The following FREM2 variants were observed in gnomAD, a reference collection of about 807,000 sequenced individuals.
FREM2 encodes the protein FRAS1 related extracellular matrix 2.
In FREM2, 119 loss-of-function variants were observed where a neutral mutation model predicts 219.9. The observed-to-expected ratio is 0.54, with a 90% CI of 0.47 to 0.63. The LOEUF (loss-of-function observed/expected upper bound fraction) is 0.63, where lower values mean the gene tolerates loss of function less well. Ranked by LOEUF, FREM2 falls within the 30% of genes least tolerant of loss-of-function variation. FREM2 has a pLI of 0.00. For synonymous variants in FREM2, 1,562 were observed against 1,522.8 expected, an observed-to-expected ratio of 1.03 and a Z score of -0.60; for missense variants, 4,030 against 3,993.6, an observed-to-expected ratio of 1.01 and a Z score of -0.25.
At chr13:38,872,964 A>T in intron 17 of FREM2, 30 bp downstream of exon 17, 32 of 1,603,776 alleles carry the variant, frequency 2.0e-5, no homozygotes, top group Non-Finnish European at 2.7e-5. Context: ...AAAATTCTAT[A>T]GTTTTGTAAC....
At chr13:38,723,685 C>T (rs1871393182) in intron 2 of FREM2, among the ~76,000 whole-genome samples, 1 of 152,164 alleles carries the variant, frequency 6.6e-6, no homozygotes, top group Non-Finnish European at 1.5e-5. Context: ...TGCCCTGAAG[C>T]ATGCATTGTA....
intron 2 of FREM2, among the ~76,000 whole-genome samples, chr13:38,731,733 G>A (rs910622498): frequency 1.3e-5 from 2 of 152,126 alleles, no homozygotes; most frequent in Non-Finnish European, 2.9e-5. Flanking sequence ...AGACAGGCAG[G>A]CCTGTGCTCC....
chr13:38,763,281 G>T (rs548085733), intron 2 of FREM2, among the ~76,000 whole-genome samples: 1 of 152,210 alleles, frequency 6.6e-6, no homozygotes, highest in East Asian at 1.9e-4. Flanking sequence ...TTTTTTAAAA[G>T]TTCGAGCAAA....
In FREM2 at chr13:38,687,288, C is replaced by G. The variant is rs961769693; in HGVS notation, c.-57C>G. 3 of 1,554,450 alleles carry G rather than the reference C, an allele frequency of 1.9e-6. No individual in the cohort carries two copies. Among genetic ancestry groups the G allele is most frequent in the Non-Finnish European group, 2.6e-6 (3 of 1,148,902 alleles). ...CCGGCGGTGTCTCTTGTTGTCTGCC[C>G]GGGGACCGACTTCGCATGCTCTCAG... On this transcript the variant is annotated 5_prime_UTR_variant, in exon 1 of 24. Transcript: ENST00000280481.
In FREM2 at chr13:38,691,765, A is replaced by C. The variant is rs768800954; in HGVS notation, c.4421A>C (p.Gln1474Pro). Residue 1474 changes from glutamine to proline, a missense_variant, in exon 1 of 24, where the codon CAG (glutamine) becomes CCG (proline). Gln to Pro is a moderately conservative substitution (Grantham distance 76). Coordinates refer to ENST00000280481, the MANE Select transcript of FREM2 (RefSeq NM_207361.6). Reference sequence around the variant, plus strand: ...CGAGGTCACCTGGAATGCACGGATCAGCCTGGTGTGTCCATCACGTCTTTC... The same window carrying C: ...CGAGGTCACCTGGAATGCACGGATCCGCCTGGTGTGTCCATCACGTCTTTC... ...PMRGHLECTD[Q>P]PGVSITSFTQ... 1.9e-6 allele frequency: 3 copies of C among 1,614,200 alleles called. No homozygotes were observed. The highest frequency in any genetic ancestry group is 1.1e-5 in the South Asian group (1 of 91,084).
At chr13:38,734,700 T>C (rs752700952) in intron 2 of FREM2, among the ~76,000 whole-genome samples, 3 of 148,376 alleles carry the variant, frequency 2.0e-5, no homozygotes, top group Non-Finnish European at 3.0e-5. Flanking sequence ...TATATGTTCC[T>C]AAATGAAAAT....
intron 6 of FREM2, among the ~76,000 whole-genome samples, chr13:38,785,269 A>G (rs1006070256): frequency 6.6e-6 from 1 of 152,232 alleles, no homozygotes; most frequent in African/African-American, 2.4e-5. Context: ...TAAGTCCAAC[A>G]AGCCACTCTG....
chr13:38,691,277 A>T lies in FREM2; in HGVS notation c.3933A>T (p.Gly1311=). 6.2e-7 allele frequency: 1 copy of T among 1,613,954 alleles called. No individual in the cohort carries two copies. Among genetic ancestry groups the T allele is most frequent in the Non-Finnish European group, 8.5e-7 (1 of 1,179,824 alleles). Residue 1311 remains glycine (G), a synonymous_variant, in exon 1 of 24, where the codon GGA becomes GGT. Coordinates refer to ENST00000280481, the MANE Select transcript of FREM2 (RefSeq NM_207361.6). The stretch of plus-strand genomic sequence containing the variant: ...CGCCCAGAATGACTATCAATAATGG[A>T]CTAGAAATAGAAATTGGGGATACCA... ...DETPRMTINN[G]LEIEIGDTKI...
intron 2 of FREM2, among the ~76,000 whole-genome samples, chr13:38,708,697 C>T (rs992678452): frequency 6.6e-6 from 1 of 152,100 alleles, no homozygotes; most frequent in Admixed American, 6.6e-5. Flanking sequence ...TTCCTCCCTT[C>T]TTCTGCCATA....
intron 12 of FREM2, among the ~76,000 whole-genome samples, chr13:38,856,839 G>T (rs1303887743): frequency 6.6e-6 from 1 of 151,860 alleles, no homozygotes; most frequent in African/African-American, 2.4e-5. Flanking sequence ...CTTTATATTG[G>T]AAATAATTTT....
chr13:38,857,947 A>G lies in FREM2; in HGVS notation c.7129A>G (p.Ile2377Val). 5 of 1,613,824 alleles carry G rather than the reference A, an allele frequency of 3.1e-6. No individual in the cohort carries two copies. Among genetic ancestry groups the G allele is most frequent in the South Asian group, 1.1e-5 (1 of 91,078 alleles). ...TGTCACTTTTCCTTCTGTCCCTCAA[A>G]TTGTATCCCTGTTGATGTATGACGA... ...ADVTFPSVPQ[I>V]VSLLMYDDTS... Residue 2377 changes from isoleucine to valine, a missense_variant, in exon 13 of 24, where the codon ATT becomes GTT. This residue lies in a region of FREM2 where 928 missense variants were observed against 1,042.9 expected (regional missense o/e 0.89). Transcript: ENST00000280481.
chr13:38,781,441 A>G (rs1874114666), intron 4 of FREM2, among the ~76,000 whole-genome samples: 1 of 151,848 alleles, frequency 6.6e-6, no homozygotes. Flanking sequence ...TTTTATCCAT[A>G]TGTCCCTAAT....
intron 6 of FREM2, among the ~76,000 whole-genome samples, chr13:38,839,629 G>C (rs1218348516): frequency 6.6e-6 from 1 of 152,188 alleles, no homozygotes; most frequent in East Asian, 1.9e-4. Context: ...TGGGGCTGCA[G>C]CCTTTCTTTC....
chr13:38,776,787 GAAA>G (rs1222770036), intron 4 of FREM2, among the ~76,000 whole-genome samples: 2 of 139,716 alleles, frequency 1.4e-5, no homozygotes, highest in East Asian at 2.1e-4. Flanking sequence ...CTGCTAAAAA[GAAA>G]AAAAAAAAAC....
Position 38,851,771 on chromosome 13 carries a change from G to A in FREM2, c.6828G>A (p.Val2276=), listed in dbSNP as rs1019256768. The A allele has an allele frequency of 8.1e-6, 13 of 1,613,692 alleles. No homozygotes were observed. Among genetic ancestry groups the A allele is most frequent in the Non-Finnish European group, 1.0e-5 (12 of 1,179,786 alleles). The part of the protein sequence containing the change: ...PGESVVIRIP[V]IRQGDTSKVS... ...AGTCGGTGGTTATAAGAATTCCAGTGATTCGCCAAGGAGACACTTCAAAGG... is the reference window on the plus strand; with the variant it reads ...AGTCGGTGGTTATAAGAATTCCAGTAATTCGCCAAGGAGACACTTCAAAGG... Residue 2276 remains valine, a synonymous_variant, in exon 11 of 24, where the codon GTG becomes GTA. Coordinates refer to ENST00000280481, the MANE Select transcript of FREM2 (RefSeq NM_207361.6).
chr13:38,724,489 T>G (rs1440773740), intron 2 of FREM2, among the ~76,000 whole-genome samples: 3 of 152,178 alleles, frequency 2.0e-5, no homozygotes, highest in Non-Finnish European at 4.4e-5. Context: ...TAAGATATTA[T>G]TTACAGAACT....
intron 6 of FREM2, among the ~76,000 whole-genome samples, chr13:38,800,074 G>A (rs754472482): frequency 1.3e-5 from 2 of 151,678 alleles, no homozygotes; most frequent in Admixed American, 6.6e-5. Flanking sequence ...ATTGTTTGTC[G>A]TTGTGGTTTG....
Position 38,690,802 on chromosome 13 carries a change from A to T in FREM2, c.3458A>T (p.His1153Leu). ...CACATAAACTATGTCCAGAGTGTCC[A>T]TAAAGGGGTGGAACCTGTGGAGGAC... ...QGHINYVQSV[H>L]KGVEPVEDRF... Residue 1153 changes from histidine (H) to leucine (L), a missense_variant, in exon 1 of 24, where the codon CAT becomes CTT. This residue lies in a region of FREM2 where 3,102 missense variants were observed against 2,950.7 expected (regional missense o/e 1.05). Coordinates refer to ENST00000280481, the MANE Select transcript of FREM2 (RefSeq NM_207361.6). 1 of 1,614,210 alleles carries T rather than the reference A, an allele frequency of 6.2e-7. No homozygotes were observed. The highest frequency in any genetic ancestry group is 2.2e-5 in the East Asian group (1 of 44,876).
At chr13:38,792,342 G>A (rs921317345) in intron 6 of FREM2, among the ~76,000 whole-genome samples, 2 of 151,906 alleles carry the variant, frequency 1.3e-5, no homozygotes, top group Non-Finnish European at 2.9e-5. Context: ...AGCAAGACTC[G>A]GTCTCAAAAA....
Sources: allele counts gnomAD v4.1 joint callset (sites outside exome capture counted in the v4.1 genomes callset), GRCh38; gene constraint gnomAD v4.1.1; regional missense constraint gnomAD v4.1.1; transcripts MANE v1.5; gene names NCBI Gene and HGNC (gene_info 2026-07-23, HGNC 2026-07-21).